GRM8: variants seen among roughly 807,000 people sequenced by gnomAD.
GRM8 encodes the protein metabotropic glutamate receptor 8.
Under a neutral mutation model 87.2 loss-of-function variants are expected in GRM8, and 47 were observed. The observed-to-expected ratio is 0.54, with a 90% confidence interval of 0.43 to 0.69. The LOEUF (loss-of-function observed/expected upper bound fraction) is 0.69, where lower values mean the gene tolerates loss of function less well. GRM8 is among the 30% of genes least tolerant of loss of function. The pLI is 0.00. For synonymous variants in GRM8, 396 were observed against 404.5 expected (o/e 0.98, Z 0.25); for missense variants, 1,019 against 1,139.2 (o/e 0.89, Z 1.52).
At chr7:126,678,165 C>T (rs1807186901) in intron 7 of GRM8, among the ~76,000 whole-genome samples, 1 of 152,116 alleles carries the variant, frequency 6.6e-6, no homozygotes, top group Non-Finnish European at 1.5e-5. Flanking sequence ...ATATTTAGTA[C>T]TGGAGTTTGA....
chr7:126,476,696 A>T (rs575275556), intron 9 of GRM8, among the ~76,000 whole-genome samples: 4 of 152,174 alleles, frequency 2.6e-5, no homozygotes, highest in Non-Finnish European at 5.9e-5. Flanking sequence ...ACAATGACAC[A>T]TTACCTCACA....
At chr7:126,551,934 T>G (rs1036279954) in intron 8 of GRM8, among the ~76,000 whole-genome samples, 1 of 151,776 alleles carries the variant, frequency 6.6e-6, no homozygotes, top group Non-Finnish European at 1.5e-5. Flanking sequence ...CCTGACTTTA[T>G]GCCCTCAAAC....
At chr7:127,102,947 C>T (rs909623307) in intron 3 of GRM8, among the ~76,000 whole-genome samples, 5 of 152,236 alleles carry the variant, frequency 3.3e-5, no homozygotes, top group Admixed American at 2.0e-4. Flanking sequence ...ACTGCAACCT[C>T]CACCTCCCAG....
intron 6 of GRM8, among the ~76,000 whole-genome samples, chr7:126,861,118 A>G (rs1432088239): frequency 1.3e-5 from 2 of 152,048 alleles, no homozygotes; most frequent in African/African-American, 2.4e-5. Context: ...CCAAAAATTA[A>G]TTTTCCTACC....
chr7:127,176,032 G>T (rs548378870), intron 2 of GRM8, among the ~76,000 whole-genome samples: 1 of 152,322 alleles, frequency 6.6e-6, no homozygotes, highest in East Asian at 1.9e-4. Flanking sequence ...TGACAGCAAT[G>T]TCATAACAGA....
intron 6 of GRM8, among the ~76,000 whole-genome samples, chr7:126,854,503 C>A (rs890632754): frequency 1.3e-5 from 2 of 152,160 alleles, no homozygotes; most frequent in African/African-American, 4.8e-5. Flanking sequence ...CTCACTAGGT[C>A]TGGGGTGGAA....
At chr7:127,144,728 T>C (rs1178986831) in intron 2 of GRM8, among the ~76,000 whole-genome samples, 1 of 152,094 alleles carries the variant, frequency 6.6e-6, no homozygotes, top group Non-Finnish European at 1.5e-5. Context: ...GGCAAGAACA[T>C]GTTTAAAGTG....
intron 6 of GRM8, among the ~76,000 whole-genome samples, chr7:126,788,420 A>AAAAAAAAAAACAAAAAAC: frequency 1.2e-5 from 1 of 81,138 alleles, no homozygotes; most frequent in African/African-American, 4.6e-5. Context: ...AAAAAAAAAA[A>AAAAAAAAAAACAAAAAAC]AAACCCTTTC....
chr7:127,069,081 T>A (rs953607448), intron 3 of GRM8, among the ~76,000 whole-genome samples: 3 of 152,210 alleles, frequency 2.0e-5, no homozygotes, highest in African/African-American at 7.2e-5. Flanking sequence ...ATTGAACCAT[T>A]TTCATTGGAA....
intron 6 of GRM8, among the ~76,000 whole-genome samples, chr7:126,887,859 A>G (rs1044169426): frequency 6.6e-6 from 1 of 152,028 alleles, no homozygotes; most frequent in African/African-American, 2.4e-5. Context: ...TCACAGGGAC[A>G]TTTTCTGTCA....
chr7:127,048,596 T>C (rs2132468428), intron 3 of GRM8, among the ~76,000 whole-genome samples: 1 of 152,306 alleles, frequency 6.6e-6, no homozygotes, highest in East Asian at 1.9e-4. Flanking sequence ...ATATATACTA[T>C]GCCCTTCTTC....
At chr7:126,855,901 A>C (rs1472979335) in intron 6 of GRM8, among the ~76,000 whole-genome samples, 1 of 152,148 alleles carries the variant, frequency 6.6e-6, no homozygotes, top group Non-Finnish European at 1.5e-5. Flanking sequence ...GTCCAGGAGA[A>C]GATGGCCCAA....
intron 9 of GRM8, among the ~76,000 whole-genome samples, chr7:126,529,510 G>A (rs1053915611): frequency 2.0e-5 from 3 of 152,218 alleles, no homozygotes; most frequent in Non-Finnish European, 4.4e-5. Context: ...TATGCATCCT[G>A]AGGCCACTGG....
At chr7:127,150,958 GT>G (rs1387244012) in intron 2 of GRM8, among the ~76,000 whole-genome samples, 1 of 152,036 alleles carries the variant, frequency 6.6e-6, no homozygotes, top group African/African-American at 2.4e-5. Context: ...GAAGGTTGTT[GT>G]TTTTTTGTTT....
At chr7:127,209,354 T>C (rs1490287894) in intron 2 of GRM8, among the ~76,000 whole-genome samples, 1 of 152,206 alleles carries the variant, frequency 6.6e-6, no homozygotes, top group Non-Finnish European at 1.5e-5. Flanking sequence ...CTGTCCAGTA[T>C]GAAACCCAGC....
rs1802215594 is a variant in GRM8 at position 126,902,665 on chromosome 7, A to C, written c.1033T>G (p.Phe345Val). 6.3e-7 allele frequency: 1 copy of C among 1,599,298 alleles called. No homozygotes were observed. The highest frequency in any genetic ancestry group is 8.5e-7 in the Non-Finnish European group (1 of 1,173,158). Residue 345 changes from phenylalanine (F) to valine (V), a missense_variant, in exon 6 of 11, where the codon TTT (phenylalanine) becomes GTT (valine). Coordinates refer to ENST00000339582, the MANE Select transcript of GRM8 (RefSeq NM_000845.3). Reference sequence around the variant, plus strand: ...TTATTGGCAAGAGTTCGGCTTCTAAAGTATCGATCAAATCCTATTTCAAAG... The same window carrying C: ...TTATTGGCAAGAGTTCGGCTTCTAACGTATCGATCAAATCCTATTTCAAAG... ...RASIDGFDRY[F>V]RSRTLANNRR...
intron 7 of GRM8, among the ~76,000 whole-genome samples, chr7:126,667,793 A>G (rs1428491670): frequency 6.6e-6 from 1 of 152,224 alleles, no homozygotes; most frequent in Non-Finnish European, 1.5e-5. Flanking sequence ...ACAACAGCTG[A>G]GCATGTTTGT....
rs865859841 is a variant in GRM8 at position 126,678,766 on chromosome 7, C to T, written c.1358-69268G>A. ...ACAGTTGCATACAGTATCTTAATTT[C>T]AGGAAGAGATGGAATTTTCCAAAAT... On this transcript the variant is annotated intron_variant, in intron 7 of 10. Transcript: ENST00000339582. Among the ~76,000 whole-genome samples, 5 of 152,124 alleles carry T rather than the reference C, an allele frequency of 3.3e-5. No homozygotes were observed. In the South Asian group the frequency reaches 8.3e-4, roughly 25 times the overall value.
At chr7:127,082,980 C>A (rs1180501731) in intron 3 of GRM8, among the ~76,000 whole-genome samples, 1 of 152,134 alleles carries the variant, frequency 6.6e-6, no homozygotes, top group Admixed American at 6.5e-5. Flanking sequence ...AGAAACACAA[C>A]CAAGAGGAAT....
Sources: gnomAD v4.1 joint callset for allele counts (sites outside exome capture counted in the v4.1 genomes callset) on GRCh38, gnomAD v4.1.1 for gene constraint, MANE v1.5 for transcripts, NCBI Gene and HGNC (gene_info 2026-07-23, HGNC 2026-07-21) for gene names.